The following GFPT1 variants were observed in gnomAD, a reference collection of about 807,000 sequenced individuals.
GFPT1 encodes glutamine--fructose-6-phosphate aminotransferase [isomerizing] 1.
A neutral mutation model predicts 92.0 loss-of-function variants in GFPT1; 40 were observed. That is an observed-to-expected ratio of 0.43 (90% CI 0.34 to 0.57). The LOEUF (loss-of-function observed/expected upper bound fraction) is 0.57. GFPT1 is among the 20% of genes least tolerant of loss of function. The pLI, the probability that GFPT1 is intolerant of heterozygous loss-of-function variation, is 0.02. For synonymous variants in GFPT1, 269 were observed against 280.6 expected, an observed-to-expected ratio of 0.96 and a Z score of 0.41; for missense variants, 448 against 869.1, an observed-to-expected ratio of 0.52 and a Z score of 6.09.
At chr2:69,380,901 A>T (rs1222926762) in intron 1 of GFPT1, among the ~76,000 whole-genome samples, 2 of 152,164 alleles carry the variant, frequency 1.3e-5, no homozygotes, top group Non-Finnish European at 2.9e-5. Context: ...TTAGAGTCTA[A>T]GCTACATACT....
At chr2:69,377,180 C>T (rs1181000799) in intron 1 of GFPT1, among the ~76,000 whole-genome samples, 2 of 142,076 alleles carry the variant, frequency 1.4e-5, no homozygotes, top group African/African-American at 2.7e-5. Context: ...TGCACTCTAG[C>T]CTGGGCAACA....
At chr2:69,357,410 G>C (rs1318271301) in intron 6 of GFPT1, among the ~76,000 whole-genome samples, 1 of 152,172 alleles carries the variant, frequency 6.6e-6, no homozygotes, top group Non-Finnish European at 1.5e-5. Flanking sequence ...ACAGATAAAA[G>C]AGGAACATGA....
intron 12 of GFPT1, among the ~76,000 whole-genome samples, chr2:69,343,083 C>G (rs1670990223): frequency 1.3e-5 from 2 of 152,188 alleles, no homozygotes; most frequent in South Asian, 4.1e-4. Flanking sequence ...CATAAAGACC[C>G]TCCAATGAAG....
chr2:69,329,718 G>C lies in GFPT1; in HGVS notation c.1563C>G (p.Arg521=). 1 of 1,612,432 alleles carries C rather than the reference G, an allele frequency of 6.2e-7. No homozygotes were observed. The highest frequency in any genetic ancestry group is 8.5e-7 in the Non-Finnish European group (1 of 1,178,566). ...CDDRISMQER[R]KEIMLGLKRL... ...GTTTCAATCCAAGCATGATCTCTTTGCGTCTTTCTTGCATGGAGATCCGAT... is the reference window on the plus strand; with the variant it reads ...GTTTCAATCCAAGCATGATCTCTTTCCGTCTTTCTTGCATGGAGATCCGAT... Residue 521 remains arginine, a synonymous_variant, in exon 16 of 20, where the codon CGC becomes CGG. Coordinates refer to ENST00000357308, the MANE Select transcript of GFPT1 (RefSeq NM_001244710.2).
Position 69,370,120 on chromosome 2 carries a change from T to C in GFPT1, c.116-12A>G, listed in dbSNP as rs540758570. ...ATCAAATCCCACACCTAAACCATCA[T>C]GAGGTAAAAAAGCAAAATTTAGAAA... On this transcript the variant is annotated splice_polypyrimidine_tract_variant and intron_variant, in intron 2 of 19. Coordinates refer to ENST00000357308, the MANE Select transcript of GFPT1 (RefSeq NM_001244710.2). The C allele has an allele frequency of 4.3e-4, 669 of 1,570,332 alleles. 5 individuals are homozygous for C. The South Asian group carries it at 6.8e-3, about 16-fold the overall frequency.
In GFPT1 at chr2:69,329,366, A is replaced by C. The variant is rs1670604859; in HGVS notation, c.1656T>G (p.Leu552=). ...TTATCAGAACTGACTTCTGATGATA[A>C]AGTTCTGTTGCTAGTTTCTGAATTT... ...DDEIQKLATE[L]YHQKSVLIMG... Residue 552 remains leucine, a synonymous_variant, in exon 17 of 20, where the codon CTT becomes CTG. Coordinates refer to ENST00000357308, the MANE Select transcript of GFPT1 (RefSeq NM_001244710.2). 3 of 1,610,924 alleles carry C rather than the reference A, an allele frequency of 1.9e-6. No homozygotes were observed. The highest frequency in any genetic ancestry group is 2.2e-5 in the East Asian group (1 of 44,858).
intron 15 of GFPT1, among the ~76,000 whole-genome samples, chr2:69,330,791 T>C (rs1574043242): frequency 6.6e-6 from 1 of 152,138 alleles, no homozygotes; most frequent in Non-Finnish European, 1.5e-5. Flanking sequence ...TCCTAAATAA[T>C]AGTACAAGTG....
At chr2:69,386,992 T>G (rs1306865956) in intron 1 of GFPT1, 73 bp downstream of exon 1, 2 of 1,204,410 alleles carry the variant, frequency 1.7e-6, no homozygotes, top group East Asian at 5.1e-5. Context: ...GCCCGTCGCC[T>G]TGGGCCTTAG....
At chr2:69,384,171 T>C (rs1399495234) in intron 1 of GFPT1, among the ~76,000 whole-genome samples, 1 of 152,184 alleles carries the variant, frequency 6.6e-6, no homozygotes, top group Non-Finnish European at 1.5e-5. Flanking sequence ...TTATTATTAA[T>C]ACATTAAAGA....
intron 9 of GFPT1, among the ~76,000 whole-genome samples, chr2:69,351,646 C>T (rs1052247788): frequency 2.0e-5 from 3 of 152,036 alleles, no homozygotes; most frequent in Non-Finnish European, 2.9e-5. Flanking sequence ...AAAGTATATT[C>T]GAAGTTTTCC....
chr2:69,353,701 C>G (rs1299159275), intron 9 of GFPT1, among the ~76,000 whole-genome samples: 1 of 152,016 alleles, frequency 6.6e-6, no homozygotes, highest in Non-Finnish European at 1.5e-5. Context: ...CCTGTCTCCC[C>G]CTGCCGCTCT....
intron 2 of GFPT1, among the ~76,000 whole-genome samples, chr2:69,372,786 T>A (rs1193214715): frequency 6.6e-6 from 1 of 152,174 alleles, no homozygotes; most frequent in Non-Finnish European, 1.5e-5. Flanking sequence ...AAATGTCCAT[T>A]CCATGTGGCA....
chr2:69,348,412 G>T, intron 10 of GFPT1, 78 bp from the exon 11 acceptor site: 1 of 1,160,170 alleles, frequency 8.6e-7, no homozygotes, highest in Non-Finnish European at 1.3e-6. Context: ...TTGGATACAA[G>T]AACCAAATTT....
chr2:69,328,157 G>T, intron 18 of GFPT1, 114 bp downstream of exon 18: 1 of 793,500 alleles, frequency 1.3e-6, no homozygotes, highest in Non-Finnish European at 2.2e-6. Context: ...CTCAAAGGCT[G>T]TATTCCAAAG....
At position 69,324,886 on chromosome 2, in the gene GFPT1, T is replaced by C. The variant is rs1446820156; in HGVS notation, c.*1303A>G. 6.6e-6 allele frequency: 1 copy of C among 152,216 alleles called. No homozygotes were observed. The highest frequency in any genetic ancestry group is 6.5e-5 in the Admixed American group (1 of 15,280). The allele number at this position is 152,216 out of a possible 1,614,324, so 9.4% of individuals were successfully genotyped here. A position where few individuals can be genotyped will look rare whatever the true frequency, so the allele number is the denominator to read the frequency against. ...GGGGTATCAAATAATAACATTCTAC[T>C]TTAAATATTTTAATCCAAATTGTCA... On this transcript the variant is annotated 3_prime_UTR_variant, in exon 20 of 20. Transcript: ENST00000357308.
chr2:69,342,314 T>G, intron 12 of GFPT1, 65 bp from the exon 13 acceptor site: 2 of 946,956 alleles, frequency 2.1e-6, no homozygotes, highest in Non-Finnish European at 3.5e-6. Context: ...CAATCGCATT[T>G]TGTGAGTATC....
intron 1 of GFPT1, among the ~76,000 whole-genome samples, chr2:69,379,535 G>C (rs775007669): frequency 2.0e-5 from 3 of 151,614 alleles, no homozygotes; most frequent in Non-Finnish European, 2.9e-5. Context: ...TATTATTTGA[G>C]ATACATTTTC....
chr2:69,358,272 A>T, intron 6 of GFPT1, 57 bp downstream of exon 6: 1 of 1,476,694 alleles, frequency 6.8e-7, no homozygotes, highest in Non-Finnish European at 9.5e-7. Flanking sequence ...CTTAATTTCC[A>T]GAAAGTTTCT....
At chr2:69,359,382 A>ATAGCTAT in intron 4 of GFPT1, 56 bp from the exon 5 acceptor site, 1 of 1,000,316 alleles carries the variant, frequency 1.0e-6, no homozygotes, top group Non-Finnish European at 1.6e-6. Context: ...TAAATCTAAA[A>ATAGCTAT]TAGCTATTAC....
Sources: allele counts gnomAD v4.1 joint callset (sites outside exome capture counted in the v4.1 genomes callset), GRCh38; gene constraint gnomAD v4.1.1; transcripts MANE v1.5; gene names NCBI Gene and HGNC (gene_info 2026-07-23, HGNC 2026-07-21).